PROSER3: variants seen among roughly 807,000 people sequenced by gnomAD.
PROSER3 encodes the protein proline and serine rich 3.
A neutral mutation model predicts 50.2 loss-of-function variants in PROSER3; 33 were observed. That is an observed-to-expected ratio of 0.66 (90% CI 0.50 to 0.88). PROSER3 has a LOEUF of 0.88. Among genes scored for constraint, PROSER3 ranks in the 40% least tolerant of loss-of-function variants. The probability of loss-of-function intolerance (pLI) is 0.00; values close to 1 mark genes in which losing one functional copy is unlikely to be tolerated. For missense variants in PROSER3, 623 were observed against 612.7 expected (o/e 1.02, Z -0.18); for synonymous variants, 266 against 259.3 (o/e 1.03, Z -0.25).
At chr19:35,759,225 C>A in intron 1 of PROSER3, 149 bp from the exon 2 acceptor site, 1 of 676,410 alleles carries the variant, frequency 1.5e-6, no homozygotes, top group South Asian at 1.8e-5. Flanking sequence ...CTGTCGATAT[C>A]CTGAATGTGC....
chr19:35,768,330 A>G, intron 10 of PROSER3, 74 bp from the exon 11 acceptor site: 1 of 1,579,818 alleles, frequency 6.3e-7, no homozygotes. Flanking sequence ...CCCCTGTCCC[A>G]GCAGTCCGTC....
At chr19:35,759,653 A>G (rs1224612621) in intron 2 of PROSER3, 136 bp from the exon 3 acceptor site, 2 of 1,018,766 alleles carry the variant, frequency 2.0e-6, no homozygotes, top group Non-Finnish European at 2.9e-6. Context: ...CTGAGCCCCC[A>G]TCACACTAGG....
exon 7 of PROSER3, chr19:35,765,043 C>T: frequency 3.1e-6 from 5 of 1,613,762 alleles, no homozygotes; most frequent in Non-Finnish European, 4.2e-6. Flanking sequence ...GCAAAGCCTC[C>T]ATCTCCTCCT....
In PROSER3 at chr19:35,767,984, GC is replaced by G. The variant is rs1474761698; in HGVS notation, c.1142del (p.Pro381ArgfsTer42). On this transcript the variant is annotated frameshift_variant, in exon 9 of 11. Coordinates refer to ENST00000396908, the Ensembl canonical transcript of PROSER3. LOFTEE classifies it high-confidence loss of function. ...CCAGGTGGGGTCTCCGGAGGCCCTG[GC>G]CCCGCCCCCGCCCGCTGCTGACCAC... 6.2e-7 allele frequency: 1 copy of G among 1,602,836 alleles called. No individual in the cohort carries two copies. Among genetic ancestry groups the G allele is most frequent in the East Asian group, 2.2e-5 (1 of 44,578 alleles).
chr19:35,768,554 G>A, exon 11 of PROSER3: 1 of 1,563,422 alleles, frequency 6.4e-7, no homozygotes, highest in Non-Finnish European at 8.6e-7. Flanking sequence ...GAATTGTACA[G>A]ATTCTATTTT....
At position 35,765,179 on chromosome 19, in the gene PROSER3, A is replaced by G. The variant is rs757961573; in HGVS notation, c.769+3A>G. 7 of 1,612,554 alleles carry G rather than the reference A, an allele frequency of 4.3e-6. No individual in the cohort carries two copies. The highest frequency in any genetic ancestry group is 1.7e-5 in the Admixed American group (1 of 59,968). On this transcript the variant is annotated splice_donor_region_variant and intron_variant, in intron 7 of 10. Coordinates refer to ENST00000396908, the Ensembl canonical transcript of PROSER3. ...GGGCCTTGGCCCCAGGGCACCCGGT[A>G]AGGGCTGAGAGGCAAAGACTGAGGG... is the stretch of plus-strand genomic sequence containing the variant.
At chr19:35,759,883 C>T in exon 3 of PROSER3, 6 of 1,591,192 alleles carry the variant, frequency 3.8e-6, no homozygotes, top group Non-Finnish European at 5.1e-6. Context: ...TTTGAGGAGT[C>T]CTGGCCATCC....
At chr19:35,759,947 C>T (rs1419221225) in exon 3 of PROSER3, 9 of 1,606,852 alleles carry the variant, frequency 5.6e-6, no homozygotes, top group Non-Finnish European at 6.8e-6. Context: ...TGTGGGCCTC[C>T]CCAGCACCCA....
At chr19:35,767,558 A>C in intron 8 of PROSER3, 1 of 548,404 alleles carries the variant, frequency 1.8e-6, no homozygotes, top group Non-Finnish European at 3.2e-6. Context: ...CAAGTCTCGG[A>C]GGAGCAGAGC....
At chr19:35,760,537 A>T (rs981886877) in intron 3 of PROSER3, among the ~76,000 whole-genome samples, 10 of 152,132 alleles carry the variant, frequency 6.6e-5, no homozygotes, top group African/African-American at 2.2e-4. Flanking sequence ...CCAAGTTGGA[A>T]TGCAGTGGCA....
chr19:35,767,378 G>A, intron 8 of PROSER3: 1 of 243,606 alleles, frequency 4.1e-6, no homozygotes, highest in South Asian at 7.2e-5. Flanking sequence ...CGAACCCCCG[G>A]CCTCCACCCC....
intron 9 of PROSER3, 32 bp from the exon 10 acceptor site, chr19:35,768,123 C>G (rs756879738): frequency 7.5e-6 from 12 of 1,607,710 alleles, no homozygotes; most frequent in Non-Finnish European, 1.0e-5. Context: ...GAGGCCGGCC[C>G]CTTGGAGCTC....
chr19:35,766,795 C>T (rs561714867), exon 8 of PROSER3: 3 of 1,550,772 alleles, frequency 1.9e-6, no homozygotes, highest in East Asian at 2.4e-5. Context: ...CAGGCCCAGA[C>T]CCCCACCCCT....
exon 7 of PROSER3, chr19:35,765,150 G>A (rs773513556): frequency 1.9e-6 from 3 of 1,613,678 alleles, no homozygotes; most frequent in East Asian, 4.5e-5. Flanking sequence ...CCTGACTCCA[G>A]CAAGGGCCTT....
At chr19:35,767,902 G>T in exon 9 of PROSER3, 1 of 1,613,020 alleles carries the variant, frequency 6.2e-7, no homozygotes, top group Non-Finnish European at 8.5e-7. Context: ...TGCAGCCCGA[G>T]GTCCCACTCT....
At chr19:35,762,485 G>T in intron 5 of PROSER3, 129 bp downstream of exon 5, 1 of 800,134 alleles carries the variant, frequency 1.2e-6, no homozygotes, top group South Asian at 1.8e-5. Context: ...AAGGTGAGAG[G>T]ACTGCTTGAG....
At chr19:35,761,185 C>G (rs1363609441) in intron 3 of PROSER3, among the ~76,000 whole-genome samples, 1 of 152,184 alleles carries the variant, frequency 6.6e-6, no homozygotes. Flanking sequence ...GGTCACAAGG[C>G]TACAAGGGTA....
intron 7 of PROSER3, among the ~76,000 whole-genome samples, chr19:35,765,847 T>C (rs950392392): frequency 1.3e-5 from 2 of 152,240 alleles, no homozygotes; most frequent in East Asian, 3.9e-4. Context: ...CAGCTGGTTG[T>C]TGCAGTTTTG....
At chr19:35,767,566 A>AG (rs752718379) in intron 8 of PROSER3, 10 of 561,998 alleles carry the variant, frequency 1.8e-5, no homozygotes, top group African/African-American at 3.8e-5. Context: ...GGAGGAGCAG[A>AG]GCCCCTCGCC....
Sources: gnomAD v4.1 joint callset for allele counts (sites outside exome capture counted in the v4.1 genomes callset) on GRCh38, gnomAD v4.1.1 for gene constraint, MANE v1.5 for transcripts, NCBI Gene and HGNC (gene_info 2026-07-23, HGNC 2026-07-21) for gene names.